The following C5 variants were observed in gnomAD, a reference collection of about 807,000 sequenced individuals.
C5 encodes C3 and PZP-like alpha-2-macroglobulin domain-containing protein 4.
A neutral mutation model predicts 218.8 loss-of-function variants in C5; 140 were observed. The ratio of observed to expected loss-of-function variants is 0.64; its 90% CI spans 0.56 to 0.74. C5 has a LOEUF of 0.74. Ranked by LOEUF, C5 falls within the 30% of genes least tolerant of loss-of-function variation. C5 has a pLI of 0.00. For synonymous variants in C5, 614 were observed against 682.3 expected, an observed-to-expected ratio of 0.90 and a Z score of 1.56; for missense variants, 1,700 against 1,969.6, an observed-to-expected ratio of 0.86 and a Z score of 2.59.
chr9:121,021,534 G>C lies in C5; in HGVS notation c.1277C>G (p.Ser426Cys), dbSNP rs750685369. Residue 426 changes from serine to cysteine, a missense_variant, in exon 11 of 41, where the codon TCT (serine) becomes TGT (cysteine). By Grantham distance (112) the Ser-to-Cys change is moderately radical (BLOSUM62 -1). Transcript: ENST00000223642. Reference sequence around the variant, plus strand: ...ATTAAACTCCAGCACCGTCACTCCAGATGGGAGATTAAGCACAAAGGAAGC... The same window carrying C: ...ATTAAACTCCAGCACCGTCACTCCACATGGGAGATTAAGCACAAAGGAAGC... ...GVASFVLNLPSGVTVLEFNVK... is the reference protein window; with the variant it reads ...GVASFVLNLPCGVTVLEFNVK... 3 of 1,613,720 alleles carry C rather than the reference G, an allele frequency of 1.9e-6. No homozygotes were observed. The highest frequency in any genetic ancestry group is 2.5e-6 in the Non-Finnish European group (3 of 1,179,708).
At chr9:121,055,635 A>C in the C5 span, among the ~76,000 whole-genome samples, 1 of 152,214 alleles carries the variant, frequency 6.6e-6, no homozygotes, top group South Asian at 2.1e-4. Context: ...CTGGGTCAGA[A>C]GGGAATCCAC....
intron 25 of C5, among the ~76,000 whole-genome samples, chr9:120,985,141 C>T (rs1273444935): frequency 2.0e-5 from 3 of 152,112 alleles, no homozygotes; most frequent in East Asian, 3.9e-4. Flanking sequence ...AAATACAATT[C>T]GCTCTAGCTT....
chr9:121,056,041 G>C, the C5 span, among the ~76,000 whole-genome samples: 1 of 152,156 alleles, frequency 6.6e-6, no homozygotes, highest in South Asian at 2.1e-4. Context: ...CTGGGCTTAG[G>C]GCACCCCCAA....
At chr9:121,047,946 T>C (rs2047641751) in intron 1 of C5, among the ~76,000 whole-genome samples, 1 of 152,188 alleles carries the variant, frequency 6.6e-6, no homozygotes, top group African/African-American at 2.4e-5. Context: ...CATTGTGTCA[T>C]TACAACCACT....
intron 35 of C5, 53 bp downstream of exon 35, chr9:120,962,840 T>G: frequency 6.2e-7 from 1 of 1,600,310 alleles, no homozygotes; most frequent in Non-Finnish European, 8.6e-7. Flanking sequence ...TCTTTTAGCC[T>G]GTATATTTTG....
Position 120,976,902 on chromosome 9 carries a change from T to C in C5, c.3662A>G (p.Asn1221Ser), listed in dbSNP as rs1217947756. 1.2e-6 allele frequency: 2 copies of C among 1,612,414 alleles called. No individual in the cohort carries two copies. Among genetic ancestry groups the C allele is most frequent in the Admixed American group, 3.3e-5 (2 of 60,022 alleles). ...ALKREALVKG[N>S]PPIYRFWKDN... ...TTTCCAAAAACGATAAATGGGTGGATTACCTGAACATCAACAAATTCCATT... is the reference window on the plus strand; with the variant it reads ...TTTCCAAAAACGATAAATGGGTGGACTACCTGAACATCAACAAATTCCATT... The change falls in exon 29 of 41, where the codon AAT becomes AGT. Residue 1221 changes from asparagine to serine, a missense_variant. Asn to Ser is a conservative substitution (Grantham distance 46). Transcript: ENST00000223642.
intron 23 of C5, among the ~76,000 whole-genome samples, chr9:120,990,964 T>C (rs917729435): frequency 2.0e-5 from 3 of 152,088 alleles, no homozygotes; most frequent in Admixed American, 6.6e-5. Context: ...CTACCTTCCA[T>C]TGGAGGAGAA....
At chr9:121,012,858 T>C (rs982142353) in intron 17 of C5, among the ~76,000 whole-genome samples, 2 of 152,188 alleles carry the variant, frequency 1.3e-5, no homozygotes, top group African/African-American at 2.4e-5. Context: ...GATAAGTATT[T>C]GTGTATCTAA....
chr9:120,975,844 A>G (rs1182192285), intron 29 of C5, among the ~76,000 whole-genome samples: 4 of 152,232 alleles, frequency 2.6e-5, no homozygotes, highest in Admixed American at 2.6e-4. Context: ...CATTGCATTT[A>G]GCAGGTACAT....
At chr9:121,067,899 C>T in the C5 span, among the ~76,000 whole-genome samples, 1 of 152,120 alleles carries the variant, frequency 6.6e-6, no homozygotes, top group African/African-American at 2.4e-5. Context: ...GTCAATTAAA[C>T]CTCTCTTCTT....
intron 3 of C5, among the ~76,000 whole-genome samples, chr9:121,041,071 G>T (rs532608478): frequency 6.6e-6 from 1 of 150,438 alleles, no homozygotes; most frequent in African/African-American, 2.4e-5. Flanking sequence ...AGCCTCCCGA[G>T]TAGCTGGAAT....
intron 25 of C5, among the ~76,000 whole-genome samples, chr9:120,987,092 A>C (rs1012931240): frequency 6.6e-6 from 1 of 152,230 alleles, no homozygotes; most frequent in Non-Finnish European, 1.5e-5. Flanking sequence ...TGAGTAAAGA[A>C]ACAGAAGTGT....
At chr9:121,001,119 C>G (rs1049881232) in intron 20 of C5, among the ~76,000 whole-genome samples, 1 of 152,114 alleles carries the variant, frequency 6.6e-6, no homozygotes, top group Admixed American at 6.6e-5. Context: ...ATTTATAGCT[C>G]TAACATACAA....
chr9:120,987,833 C>A (rs887914416), intron 25 of C5, among the ~76,000 whole-genome samples: 3 of 151,916 alleles, frequency 2.0e-5, no homozygotes, highest in Non-Finnish European at 4.4e-5. Flanking sequence ...CACTCTGTCA[C>A]CCGGGCTGGA....
chr9:121,050,661 C>A (rs1022435706), upstream of C5, among the ~76,000 whole-genome samples: 1 of 152,168 alleles, frequency 6.6e-6, no homozygotes, highest in African/African-American at 2.4e-5. Context: ...GACTCAGTTT[C>A]ACACTGAAAT....
At chr9:120,959,289 G>T (rs2046809481) in intron 38 of C5, among the ~76,000 whole-genome samples, 1 of 134,396 alleles carries the variant, frequency 7.4e-6, no homozygotes, top group Non-Finnish European at 1.5e-5. Context: ...ACAGAGTCTT[G>T]CTGGTGTTGC....
At chr9:121,010,857 G>T (rs1018494876) in intron 17 of C5, among the ~76,000 whole-genome samples, 2 of 152,120 alleles carry the variant, frequency 1.3e-5, no homozygotes, top group Non-Finnish European at 2.9e-5. Context: ...TGACAAAGGT[G>T]CCAAGAACAT....
intron 27 of C5, among the ~76,000 whole-genome samples, chr9:120,980,715 G>A (rs1244010310): frequency 3.3e-5 from 5 of 151,726 alleles, no homozygotes; most frequent in African/African-American, 7.3e-5. Context: ...CTCAGCCTCC[G>A]GAGTAGCTGG....
intron 28 of C5, among the ~76,000 whole-genome samples, chr9:120,978,680 A>G (rs2046970018): frequency 6.6e-6 from 1 of 152,232 alleles, no homozygotes. Flanking sequence ...GTGCCCAACC[A>G]TGCTAATAAT....
Sources: allele counts gnomAD v4.1 joint callset (sites outside exome capture counted in the v4.1 genomes callset), GRCh38; gene constraint gnomAD v4.1.1; transcripts MANE v1.5; gene names NCBI Gene and HGNC (gene_info 2026-07-23, HGNC 2026-07-21).